The following MAPKAP1 variants were observed in gnomAD, a reference collection of about 807,000 sequenced individuals.
The protein encoded by MAPKAP1 is MAPK associated protein 1.
A neutral mutation model predicts 65.7 loss-of-function variants in MAPKAP1; 20 were observed. The ratio of observed to expected loss-of-function variants is 0.30; its 90% CI spans 0.21 to 0.44. MAPKAP1 has a LOEUF of 0.44. MAPKAP1 is among the 20% of genes least tolerant of loss of function. The pLI is 1.00. For missense variants in MAPKAP1, 423 were observed against 648.0 expected, an observed-to-expected ratio of 0.65 and a Z score of 3.77; for synonymous variants, 222 against 244.3, an observed-to-expected ratio of 0.91 and a Z score of 0.85.
chr9:125,481,804 AC>A (rs776647334), intron 9 of MAPKAP1, among the ~76,000 whole-genome samples: 41 of 151,994 alleles, frequency 2.7e-4, no homozygotes, highest in Non-Finnish European at 5.6e-4. Context: ...CTAAACACAA[AC>A]TGGATGTTTG....
At chr9:125,469,916 G>A (rs1853834662) in intron 9 of MAPKAP1, among the ~76,000 whole-genome samples, 2 of 152,144 alleles carry the variant, frequency 1.3e-5, no homozygotes, top group South Asian at 4.1e-4. Flanking sequence ...CTGAAGCCAT[G>A]GTTGTCGGGT....
At chr9:125,629,334 C>T (rs930118210) in intron 4 of MAPKAP1, among the ~76,000 whole-genome samples, 6 of 152,030 alleles carry the variant, frequency 3.9e-5, no homozygotes, top group African/African-American at 1.2e-4. Context: ...TCACAATAGC[C>T]AAGAAGTGAA....
At chr9:125,524,472 TTCTTA>T (rs1376929720) in intron 7 of MAPKAP1, among the ~76,000 whole-genome samples, 1 of 152,264 alleles carries the variant, frequency 6.6e-6, no homozygotes, top group African/African-American at 2.4e-5. Context: ...ACTCTCAAGC[TTCTTA>T]TCTTAAACAG....
chr9:125,672,308 A>G lies in MAPKAP1; in HGVS notation c.259+8T>C. The G allele has an allele frequency of 6.8e-6, 11 of 1,613,648 alleles. No homozygotes were observed. Among genetic ancestry groups the G allele is most frequent in the Non-Finnish European group, 9.3e-6 (11 of 1,179,638 alleles). On this transcript the variant is annotated splice_region_variant and intron_variant, in intron 2 of 11. Transcript: ENST00000265960. The stretch of plus-strand genomic sequence containing the variant: ...GCTCAGAAGACATGACTAGAACACA[A>G]TGTTTACCTGTGTTTGAGCGTCTTC...
At chr9:125,536,246 C>T (rs921640169) in intron 7 of MAPKAP1, among the ~76,000 whole-genome samples, 2 of 152,078 alleles carry the variant, frequency 1.3e-5, no homozygotes, top group African/African-American at 4.8e-5. Flanking sequence ...TGGGAAGATC[C>T]ATCAGGAGCC....
intron 7 of MAPKAP1, among the ~76,000 whole-genome samples, chr9:125,511,119 T>C (rs551918031): frequency 1.2e-4 from 18 of 152,276 alleles, no homozygotes; most frequent in African/African-American, 4.3e-4. Context: ...TGGAACAATG[T>C]CCAATGCATT....
intron 4 of MAPKAP1, among the ~76,000 whole-genome samples, chr9:125,600,927 C>G (rs1216879690): frequency 6.6e-6 from 1 of 152,118 alleles, no homozygotes; most frequent in Non-Finnish European, 1.5e-5. Context: ...ATGAACTAAG[C>G]CCCATCACAG....
intron 5 of MAPKAP1, among the ~76,000 whole-genome samples, chr9:125,577,613 G>A (rs1411873882): frequency 2.7e-5 from 3 of 109,770 alleles, no homozygotes; most frequent in Admixed American, 8.4e-5. Flanking sequence ...GAGGGAGGTG[G>A]GGGGGGTCAG....
At chr9:125,491,417 G>T (rs1854721189) in intron 8 of MAPKAP1, among the ~76,000 whole-genome samples, 1 of 152,014 alleles carries the variant, frequency 6.6e-6, no homozygotes, top group Non-Finnish European at 1.5e-5. Flanking sequence ...CTCTAGCCTG[G>T]GTAACAGAGT....
At chr9:125,518,093 C>T (rs1829514968) in intron 7 of MAPKAP1, among the ~76,000 whole-genome samples, 1 of 152,212 alleles carries the variant, frequency 6.6e-6, no homozygotes, top group South Asian at 2.1e-4. Flanking sequence ...CAACAATCTA[C>T]TTCTTCTAGC....
intron 1 of MAPKAP1, among the ~76,000 whole-genome samples, chr9:125,673,575 ACTT>A (rs1487220226): frequency 6.6e-6 from 1 of 152,086 alleles, no homozygotes; most frequent in Non-Finnish European, 1.5e-5. Context: ...TATACAATCA[ACTT>A]CTTATTTTAG....
At chr9:125,514,578 C>G (rs894550221) in intron 7 of MAPKAP1, among the ~76,000 whole-genome samples, 1 of 152,162 alleles carries the variant, frequency 6.6e-6, no homozygotes, top group Non-Finnish European at 1.5e-5. Flanking sequence ...CCGAGCAAGT[C>G]TCTAATCTTA....
chr9:125,637,462 T>C (rs1045185722), intron 4 of MAPKAP1, among the ~76,000 whole-genome samples: 4 of 152,102 alleles, frequency 2.6e-5, no homozygotes, highest in East Asian at 1.9e-4. Flanking sequence ...CTTGTGGTCA[T>C]AGAACTGTCA....
intron 1 of MAPKAP1, among the ~76,000 whole-genome samples, chr9:125,673,034 G>A (rs1834539363): frequency 6.6e-6 from 1 of 152,136 alleles, no homozygotes; most frequent in African/African-American, 2.4e-5. Context: ...TTCCTCAAAT[G>A]ATGTGCTAAA....
Position 125,447,601 on chromosome 9 carries a change from G to T in MAPKAP1, c.1346-3003C>A, listed in dbSNP as rs1439179371. 4.8e-6 allele frequency: 2 copies of T among 414,944 alleles called. No homozygotes were observed. The highest frequency in any genetic ancestry group is 9.8e-6 in the Non-Finnish European group (2 of 203,850). The allele number at this position is 414,944 out of a possible 1,614,324, so 25.7% of individuals were successfully genotyped here. ...TTCCCCTCGCTAGCAGCCCTGTTTCGCTGGGCGGCCAGAAGGGCAGTTTTC... is the reference window on the plus strand; with the variant it reads ...TTCCCCTCGCTAGCAGCCCTGTTTCTCTGGGCGGCCAGAAGGGCAGTTTTC... On this transcript the variant is annotated intron_variant, in intron 10 of 11. Coordinates refer to ENST00000265960, the MANE Select transcript of MAPKAP1 (RefSeq NM_001006617.3). This position sits in a 1 kb window ranked among gnomAD's most constrained non-coding sequence, Gnocchi z 4.5.
At chr9:125,641,747 A>G (rs940470668) in intron 4 of MAPKAP1, among the ~76,000 whole-genome samples, 2 of 150,780 alleles carry the variant, frequency 1.3e-5, no homozygotes, top group African/African-American at 2.4e-5. Context: ...CTCTATAAAA[A>G]TAGGCCAGGC....
At chr9:125,647,937 T>C (rs890579201) in intron 4 of MAPKAP1, among the ~76,000 whole-genome samples, 2 of 136,646 alleles carry the variant, frequency 1.5e-5, no homozygotes, top group Admixed American at 7.4e-5. Flanking sequence ...CCAATATCTT[T>C]TTTTTTTTTT....
At chr9:125,645,317 C>A (rs774315171) in intron 4 of MAPKAP1, among the ~76,000 whole-genome samples, 8 of 152,216 alleles carry the variant, frequency 5.3e-5, no homozygotes, top group Non-Finnish European at 1.0e-4. Flanking sequence ...AAAACACATG[C>A]ACACTTTCCC....
intron 10 of MAPKAP1, among the ~76,000 whole-genome samples, chr9:125,461,424 C>G (rs1455931375): frequency 6.6e-6 from 1 of 152,210 alleles, no homozygotes; most frequent in Admixed American, 6.5e-5. Flanking sequence ...ACACTATTGT[C>G]TGCTTGAAAG....
Sources: allele counts gnomAD v4.1 joint callset (sites outside exome capture counted in the v4.1 genomes callset), GRCh38; gene constraint gnomAD v4.1.1; non-coding constraint Gnocchi (gnomAD v3.1); transcripts MANE v1.5; gene names NCBI Gene and HGNC (gene_info 2026-07-23, HGNC 2026-07-21).